Variants in FRMPD3 observed in about 807,000 individuals in gnomAD.
FRMPD3 encodes FERM and PDZ domain containing 3.
A neutral mutation model predicts 97.9 loss-of-function variants in FRMPD3; 42 were observed. That is an observed-to-expected ratio of 0.43 (90% CI 0.34 to 0.55). FRMPD3 has a LOEUF of 0.55. Among genes scored for constraint, FRMPD3 ranks in the 20% least tolerant of loss-of-function variants. The pLI is 0.03. For synonymous variants in FRMPD3, 577 were observed against 581.1 expected, an observed-to-expected ratio of 0.99 and a Z score of 0.10; for missense variants, 1,303 against 1,457.7, an observed-to-expected ratio of 0.89 and a Z score of 1.73.
intron 1 of FRMPD3, among the ~76,000 whole-genome samples, chrX:107,482,224 A>C (rs1921392865): frequency 9.0e-6 from 1 of 111,114 alleles, no homozygotes; most frequent in African/African-American, 3.3e-5. Flanking sequence ...CATGCTCTGG[A>C]GTCAGGCCAA....
chrX:107,525,066 C>T (rs1427723159), intron 1 of FRMPD3, among the ~76,000 whole-genome samples: 2 of 104,558 alleles, frequency 1.9e-5, no homozygotes, highest in Non-Finnish European at 3.9e-5. Context: ...ACTTCTTTTA[C>T]AAACCTTATA....
At chrX:107,559,604 T>C (rs2058483192) in intron 8 of FRMPD3, among the ~76,000 whole-genome samples, 1 of 112,198 alleles carries the variant, frequency 8.9e-6, no homozygotes, top group Non-Finnish European at 1.9e-5. Context: ...TTTAACAAAA[T>C]GGGAAACTGG....
At chrX:107,510,999 AGG>A (rs746131490) in intron 1 of FRMPD3, among the ~76,000 whole-genome samples, 1 of 112,295 alleles carries the variant, frequency 8.9e-6, no homozygotes, top group Non-Finnish European at 1.9e-5. Flanking sequence ...GGCAAGAGGG[AGG>A]AGCAGGTAGA....
intron 1 of FRMPD3, among the ~76,000 whole-genome samples, chrX:107,480,815 A>G (rs1245456503): frequency 7.2e-5 from 7 of 96,870 alleles, no homozygotes; most frequent in South Asian, 1.0e-3. Flanking sequence ...GGCGAAAGTG[A>G]AACTCCGTCA....
chrX:107,516,223 G>C (rs1174772164), intron 1 of FRMPD3, among the ~76,000 whole-genome samples: 2 of 110,131 alleles, frequency 1.8e-5, no homozygotes, highest in Non-Finnish European at 3.8e-5. Context: ...TTTTATGGCT[G>C]CATAGTATTC....
intron 1 of FRMPD3, among the ~76,000 whole-genome samples, chrX:107,458,843 A>G (rs960463858): frequency 1.8e-5 from 2 of 111,503 alleles, no homozygotes; most frequent in Non-Finnish European, 3.8e-5. Flanking sequence ...TCTAAGTGAG[A>G]GGTGATAAGG....
At chrX:107,496,133 C>T (rs1921769696) in intron 1 of FRMPD3, among the ~76,000 whole-genome samples, 1 of 112,151 alleles carries the variant, frequency 8.9e-6, no homozygotes, top group Non-Finnish European at 1.9e-5. Context: ...TGTAAATGCT[C>T]CCCAAATGGA....
At chrX:107,531,069 G>C (rs772840447) in intron 3 of FRMPD3, among the ~76,000 whole-genome samples, 8 of 108,923 alleles carry the variant, frequency 7.3e-5, no homozygotes, top group African/African-American at 2.3e-4. Flanking sequence ...TACATGGAGA[G>C]TAATCACATT....
intron 4 of FRMPD3, among the ~76,000 whole-genome samples, chrX:107,543,208 T>C (rs989997101): frequency 9.0e-6 from 1 of 111,069 alleles, no homozygotes; most frequent in Non-Finnish European, 1.9e-5. Flanking sequence ...CACATCAGAC[T>C]CTGTTCAATC....
chrX:107,455,147 A>G (rs1178353238), intron 1 of FRMPD3, among the ~76,000 whole-genome samples: 1 of 111,459 alleles, frequency 9.0e-6, no homozygotes, highest in Non-Finnish European at 1.9e-5. Context: ...CTCCTATTCC[A>G]TATCACTATA....
chrX:107,581,345 A>G (rs1294509437), intron 13 of FRMPD3, among the ~76,000 whole-genome samples: 1 of 110,487 alleles, frequency 9.1e-6, no homozygotes, highest in East Asian at 2.8e-4. Flanking sequence ...TCCTGACCTC[A>G]GGTGATCCGC....
In FRMPD3 at chrX:107,603,787, G is replaced by C. The variant is rs1352474158; in HGVS notation, c.*414G>C. On this transcript the variant is annotated 3_prime_UTR_variant, in exon 15 of 15. Transcript: ENST00000683843. ...CCTCGTGGCATCGGCTCCCCTGCTG[G>C]GAGCAGTGGCAGTAGCAGCAGGCCA... is the stretch of plus-strand genomic sequence containing the variant. The C allele has an allele frequency of 7.5e-6, 1 of 132,635 alleles. No homozygotes were observed. Among genetic ancestry groups the C allele is most frequent in the Non-Finnish European group, 1.5e-5 (1 of 66,194 alleles). 10.9% of individuals were successfully genotyped at this position (132,635 alleles called of 1,213,427 possible).
At chrX:107,486,291 T>G (rs1186400927) in intron 1 of FRMPD3, among the ~76,000 whole-genome samples, 1 of 112,300 alleles carries the variant, frequency 8.9e-6, no homozygotes, top group Admixed American at 9.4e-5. Context: ...GCTTCATGGT[T>G]ATCTACCCAC....
rs112583276 is a variant in FRMPD3, at chrX:107,568,905, A to AAG, written c.1296+3862_1296+3863dup. ...GAGACCCTGTTCTCCACAAAAATGA[A>AAG]AGAGAGAGAGAGAGAGAGAGAGAGG... is the stretch of plus-strand genomic sequence containing the variant. On this transcript the variant is annotated intron_variant, in intron 12 of 14. Coordinates refer to ENST00000683843, the MANE Select transcript of FRMPD3 (RefSeq NM_001388459.1). Among the ~76,000 whole-genome samples, 243 of 103,205 alleles carry AAG rather than the reference A, an allele frequency of 2.4e-3. 2 individuals are homozygous for AAG. The highest frequency in any genetic ancestry group is 0.019 in the South Asian group (43 of 2,296). 89.6% of individuals were successfully genotyped at this position (103,205 alleles called of 115,157 possible). A position where few individuals can be genotyped will look rare whatever the true frequency, so the allele number is the denominator to read the frequency against.
In FRMPD3 at chrX:107,517,165, A is replaced by G. The variant is rs189046962; in HGVS notation, c.-7-9417A>G. 2.2e-4 allele frequency among the ~76,000 whole-genome samples: 25 copies of G among 111,761 alleles called. No individual in the cohort carries two copies. In the East Asian group the frequency reaches 5.6e-3, roughly 25 times the overall value. On this transcript the variant is annotated intron_variant, in intron 1 of 14. Coordinates refer to ENST00000683843, the MANE Select transcript of FRMPD3 (RefSeq NM_001388459.1). ...TCCCCATTTCTTGTTTTTATCAGATAGTTGTAGATATGCGGCATTATTTCT... is the reference window on the plus strand; with the variant it reads ...TCCCCATTTCTTGTTTTTATCAGATGGTTGTAGATATGCGGCATTATTTCT...
At position 107,603,955 on chromosome X, in the gene FRMPD3, C is replaced by T. The variant is rs374998974; in HGVS notation, c.*582C>T. The T allele has an allele frequency of 1.2e-4, 13 of 111,675 alleles. No individual in the cohort carries two copies. The highest frequency in any genetic ancestry group is 1.9e-4 in the Non-Finnish European group (10 of 53,160). 9.2% of individuals were successfully genotyped at this position (111,675 alleles called of 1,213,427 possible). On this transcript the variant is annotated 3_prime_UTR_variant, in exon 15 of 15. Transcript: ENST00000683843. ...AACAGCCACACTAGGCTGTTTGCAG[C>T]GGCCCAACTGGCCGGCAGCCTGGTG...
chrX:107,468,430 C>T (rs1237531366), intron 1 of FRMPD3, among the ~76,000 whole-genome samples: 13 of 112,169 alleles, frequency 1.2e-4, no homozygotes, highest in African/African-American at 4.2e-4. Context: ...CAGACAAAAT[C>T]CCTGCCCTGC....
At chrX:107,555,589 G>A (rs1291549356) in intron 8 of FRMPD3, among the ~76,000 whole-genome samples, 1 of 111,941 alleles carries the variant, frequency 8.9e-6, no homozygotes, top group Non-Finnish European at 1.9e-5. Context: ...TATGATGGTG[G>A]TTTAAACCTT....
chrX:107,560,519 C>G, intron 9 of FRMPD3, 126 bp downstream of exon 9: 2 of 956,618 alleles, frequency 2.1e-6, no homozygotes, highest in Admixed American at 5.6e-5. Context: ...ATTGGAGTCC[C>G]TCATATCTAG....
Sources: gnomAD v4.1 joint callset for allele counts (sites outside exome capture counted in the v4.1 genomes callset) on GRCh38, gnomAD v4.1.1 for gene constraint, MANE v1.5 for transcripts, NCBI Gene and HGNC (gene_info 2026-07-23, HGNC 2026-07-21) for gene names.